DNAH7: variants seen among roughly 807,000 people sequenced by gnomAD.
The protein encoded by DNAH7 is axonemal beta dynein heavy chain 7.
DNAH7 carries 397 observed loss-of-function variants against 444.6 expected under a neutral mutation model. The ratio of observed to expected loss-of-function variants is 0.89; its 90% CI spans 0.82 to 0.97. The LOEUF is 0.97. Among genes scored for constraint, DNAH7 ranks in the 50% least tolerant of loss-of-function variants. The pLI is 0.00. For missense variants in DNAH7, 4,902 were observed against 4,800.8 expected, an observed-to-expected ratio of 1.02 and a Z score of -0.62; for synonymous variants, 1,636 against 1,624.4, an observed-to-expected ratio of 1.01 and a Z score of -0.17.
intron 19 of DNAH7, among the ~76,000 whole-genome samples, chr2:195,953,567 G>C (rs754142053): frequency 2.0e-5 from 3 of 152,194 alleles, no homozygotes; most frequent in Middle Eastern, 3.2e-3. Context: ...TCTGTCCCAG[G>C]GAGATGGGAG....
At chr2:195,881,756 T>C in intron 36 of DNAH7, 39 bp downstream of exon 36, 1 of 1,571,108 alleles carries the variant, frequency 6.4e-7, no homozygotes, top group South Asian at 1.1e-5. Flanking sequence ...CTTAGGAAGA[T>C]TATGCACAGT....
intron 61 of DNAH7, 107 bp from the exon 62 acceptor site, chr2:195,756,392 A>T: frequency 9.5e-7 from 1 of 1,050,988 alleles, no homozygotes; most frequent in Non-Finnish European, 1.3e-6. Flanking sequence ...TTACATTGTG[A>T]TTAGTTAAGG....
At chr2:196,046,602 TAGA>T (rs780596784) in intron 5 of DNAH7, among the ~76,000 whole-genome samples, 5 of 152,142 alleles carry the variant, frequency 3.3e-5, no homozygotes, top group African/African-American at 7.2e-5. Context: ...GAAACCACTC[TAGA>T]AGAAGCACAT....
At chr2:196,006,025 A>T (rs549083572) in intron 10 of DNAH7, among the ~76,000 whole-genome samples, 3 of 152,254 alleles carry the variant, frequency 2.0e-5, no homozygotes, top group African/African-American at 7.2e-5. Flanking sequence ...CATAAAAAGT[A>T]TTATATGATC....
At chr2:195,796,193 T>C (rs1160943184) in intron 56 of DNAH7, among the ~76,000 whole-genome samples, 2 of 152,190 alleles carry the variant, frequency 1.3e-5, no homozygotes, top group East Asian at 1.9e-4. Context: ...TCTGAAGCCT[T>C]TGAGTTGAGA....
chr2:195,939,436 T>C (rs1419428844), intron 19 of DNAH7, among the ~76,000 whole-genome samples: 2 of 152,138 alleles, frequency 1.3e-5, no homozygotes, highest in Non-Finnish European at 2.9e-5. Flanking sequence ...CAGGATGAAC[T>C]GCACTTGGGC....
rs1979628 is a variant in DNAH7, at chr2:195,957,491, C to T, written c.2892-44G>A. ...TGGCTCTTACTGACAGCAAACCAAG[C>T]AAATGTTTCAAATGACAAAATTCAA... is the stretch of plus-strand genomic sequence containing the variant. On this transcript the variant is annotated intron_variant, in intron 18 of 64. Transcript: ENST00000312428. 9,757 of 1,414,718 alleles carry T rather than the reference C, an allele frequency of 6.9e-3. 553 individuals carry two copies. The African/African-American group carries it at 0.12, about 17-fold the overall frequency. 87.6% of individuals were successfully genotyped at this position (1,414,718 alleles called of 1,614,324 possible).
chr2:195,906,642 A>G lies in DNAH7; in HGVS notation c.4335+17T>C, dbSNP rs148909014. 6.5e-4 allele frequency: 1,036 copies of G among 1,605,576 alleles called. 8 individuals carry two copies. The African/African-American group carries it at 0.013, about 20-fold the overall frequency. ...ATTATAGAGAAGAAATAGATTATAT[A>G]ATAACTCCTTCCATACCTTCAGGTT... On this transcript the variant is annotated intron_variant, in intron 27 of 64. Transcript: ENST00000312428.
intron 47 of DNAH7, among the ~76,000 whole-genome samples, chr2:195,844,078 G>A (rs560995519): frequency 4.6e-5 from 7 of 150,656 alleles, no homozygotes; most frequent in East Asian, 4.0e-4. Flanking sequence ...CCTGGGCAAC[G>A]GAGTGAGACT....
intron 31 of DNAH7, 58 bp downstream of exon 31, chr2:195,891,597 G>C (rs1003005648): frequency 7.2e-7 from 1 of 1,385,980 alleles, no homozygotes; most frequent in Admixed American, 2.7e-5. Context: ...ATCAGAAATT[G>C]GTCAGAAATA....
intron 10 of DNAH7, among the ~76,000 whole-genome samples, chr2:196,010,861 G>A (rs181531995): frequency 6.6e-6 from 1 of 152,310 alleles, no homozygotes; most frequent in African/African-American, 2.4e-5. Context: ...CAACATGGAT[G>A]AGCCTGGAGG....
intron 14 of DNAH7, among the ~76,000 whole-genome samples, chr2:195,985,647 G>A (rs778640638): frequency 6.6e-5 from 10 of 152,152 alleles, no homozygotes; most frequent in Non-Finnish European, 1.5e-4. Flanking sequence ...ATCCTAGGGA[G>A]TCTGGTGAGA....
intron 54 of DNAH7, among the ~76,000 whole-genome samples, chr2:195,806,135 C>T (rs1696698413): frequency 6.6e-6 from 1 of 150,722 alleles, no homozygotes; most frequent in Non-Finnish European, 1.5e-5. Context: ...ACATTGATAT[C>T]TTTGTGGTAT....
At chr2:195,890,375 C>T (rs182673337) in intron 31 of DNAH7, among the ~76,000 whole-genome samples, 1 of 152,286 alleles carries the variant, frequency 6.6e-6, no homozygotes, top group East Asian at 1.9e-4. Context: ...AAGGACCTCA[C>T]TTTTCATTTG....
chr2:195,750,160 A>C (rs985365576), intron 63 of DNAH7, among the ~76,000 whole-genome samples: 1 of 152,064 alleles, frequency 6.6e-6, no homozygotes, highest in Non-Finnish European at 1.5e-5. Flanking sequence ...TTTTTACTCC[A>C]CTGTTTTCAA....
chr2:195,953,063 G>A (rs1328548905), intron 19 of DNAH7, among the ~76,000 whole-genome samples: 2 of 152,120 alleles, frequency 1.3e-5, no homozygotes, highest in African/African-American at 2.4e-5. Flanking sequence ...CCTCATCTTC[G>A]TGGGTTTATC....
intron 63 of DNAH7, among the ~76,000 whole-genome samples, chr2:195,744,180 G>C (rs983907791): frequency 6.6e-6 from 1 of 152,362 alleles, no homozygotes; most frequent in East Asian, 1.9e-4. Context: ...CTTTTCTGAC[G>C]GGCTTAAAAA....
chr2:195,883,212 C>G (rs895716999), intron 35 of DNAH7, among the ~76,000 whole-genome samples: 2 of 152,106 alleles, frequency 1.3e-5, no homozygotes, highest in African/African-American at 2.4e-5. Context: ...CTTTGGGAGG[C>G]CGAAGTGGGC....
chr2:195,978,352 A>G (rs1243371699), intron 15 of DNAH7, among the ~76,000 whole-genome samples: 1 of 152,156 alleles, frequency 6.6e-6, no homozygotes, highest in Non-Finnish European at 1.5e-5. Flanking sequence ...AAATTATAAG[A>G]TATTATTTGC....
Sources: gnomAD v4.1 joint callset for allele counts (sites outside exome capture counted in the v4.1 genomes callset) on GRCh38, gnomAD v4.1.1 for gene constraint, MANE v1.5 for transcripts, NCBI Gene and HGNC (gene_info 2026-07-23, HGNC 2026-07-21) for gene names.